UBE2E2: variants seen among roughly 807,000 people sequenced by gnomAD.
The protein encoded by UBE2E2 is ubiquitin conjugating enzyme E2 E2, also known as ubiquitin-conjugating enzyme E2 E2.
A neutral mutation model predicts 24.7 loss-of-function variants in UBE2E2; 6 were observed. The ratio of observed to expected loss-of-function variants is 0.24; its 90% confidence interval spans 0.13 to 0.48. The LOEUF is 0.48. UBE2E2 is among the 20% of genes least tolerant of loss of function. The pLI, the probability that UBE2E2 is intolerant of heterozygous loss-of-function variation, is 0.99. For missense variants in UBE2E2, 169 were observed against 245.0 expected (o/e 0.69, Z 2.07); for synonymous variants, 104 against 83.6 (o/e 1.24, Z -1.33).
At position 23,577,197 on chromosome 3, in the gene UBE2E2, G is replaced by A. The variant is rs1056862418; in HGVS notation, c.509-12537G>A. On this transcript the variant is annotated intron_variant, in intron 5 of 5. Transcript: ENST00000396703. Reference sequence around the variant, plus strand: ...AAAGATGGAGATAATTAAGCTTATTGAGGAAAGCATGTCAAAAGCCAAAAC... The same window carrying A: ...AAAGATGGAGATAATTAAGCTTATTAAGGAAAGCATGTCAAAAGCCAAAAC... Among the ~76,000 whole-genome samples the A allele has an allele frequency of 2.0e-5, 3 of 152,042 alleles. No individual in the cohort carries two copies. In the East Asian group the frequency reaches 5.8e-4, roughly 29 times the overall value.
chr3:23,305,314 A>G (rs1699212522), intron 3 of UBE2E2, among the ~76,000 whole-genome samples: 1 of 152,242 alleles, frequency 6.6e-6, no homozygotes, highest in Non-Finnish European at 1.5e-5. Flanking sequence ...CGAGACAGCC[A>G]TCGTATTTAG....
intron 3 of UBE2E2, among the ~76,000 whole-genome samples, chr3:23,471,941 T>TTA (rs1553614030): frequency 2.0e-4 from 29 of 141,972 alleles, no homozygotes; most frequent in African/African-American, 6.7e-4. Flanking sequence ...AAAACATCTT[T>TTA]AAAAAAAAAA....
intron 3 of UBE2E2, among the ~76,000 whole-genome samples, chr3:23,303,125 G>C (rs951422037): frequency 1.6e-4 from 25 of 152,076 alleles, no homozygotes; most frequent in African/African-American, 6.0e-4. Flanking sequence ...ATTGTGAACT[G>C]TGCATGTGAG....
At chr3:23,322,299 C>A (rs896856700) in intron 3 of UBE2E2, among the ~76,000 whole-genome samples, 1 of 152,074 alleles carries the variant, frequency 6.6e-6, no homozygotes, top group African/African-American at 2.4e-5. Flanking sequence ...TTGAAAGGGT[C>A]GGTAGGATAC....
intron 3 of UBE2E2, among the ~76,000 whole-genome samples, chr3:23,265,958 A>G (rs952570072): frequency 3.3e-5 from 5 of 152,200 alleles, no homozygotes; most frequent in African/African-American, 1.2e-4. Flanking sequence ...ATCAGAGACT[A>G]GGATTGCAAC....
intron 3 of UBE2E2, among the ~76,000 whole-genome samples, chr3:23,343,124 A>G (rs999358886): frequency 4.6e-5 from 7 of 152,138 alleles, no homozygotes; most frequent in Admixed American, 6.5e-5. Context: ...GAATGCATAC[A>G]TATACAAACT....
At chr3:23,323,544 A>T (rs1694803339) in intron 3 of UBE2E2, 1 of 452,852 alleles carries the variant, frequency 2.2e-6, no homozygotes, top group Non-Finnish European at 4.4e-6. Context: ...GGAAATGCTC[A>T]TTCAATTCTC....
intron 3 of UBE2E2, among the ~76,000 whole-genome samples, chr3:23,377,779 A>G (rs1444413695): frequency 6.6e-6 from 1 of 152,236 alleles, no homozygotes; most frequent in Non-Finnish European, 1.5e-5. Flanking sequence ...AATAATAGGT[A>G]AAGTGCTTAG....
chr3:23,261,788 C>G lies in UBE2E2; in HGVS notation c.227+44476C>G, dbSNP rs114782072. ...GAATCATCCAATGTGTAGCAAATGGCAGGATTTCCTTCCTTTTTTAAATGG... is the reference window on the plus strand; with the variant it reads ...GAATCATCCAATGTGTAGCAAATGGGAGGATTTCCTTCCTTTTTTAAATGG... On this transcript the variant is annotated intron_variant, in intron 3 of 5. Coordinates refer to ENST00000396703, the MANE Select transcript of UBE2E2 (RefSeq NM_152653.4). Among the ~76,000 whole-genome samples the G allele has an allele frequency of 1.7e-3, 257 of 152,284 alleles. 1 individual carries two copies. Among genetic ancestry groups the G allele is most frequent in the African/African-American group, 6.0e-3 (248 of 41,554 alleles).
chr3:23,283,605 T>C (rs972608184), intron 3 of UBE2E2, among the ~76,000 whole-genome samples: 14 of 152,128 alleles, frequency 9.2e-5, no homozygotes, highest in African/African-American at 3.1e-4. Context: ...CACACACTTA[T>C]AGTCTCAGCA....
At chr3:23,404,166 T>G (rs1253332346) in intron 3 of UBE2E2, among the ~76,000 whole-genome samples, 2 of 152,162 alleles carry the variant, frequency 1.3e-5, no homozygotes, top group Non-Finnish European at 2.9e-5. Context: ...ATGTACACAT[T>G]CATAGTAATA....
At chr3:23,272,197 G>A (rs907891621) in intron 3 of UBE2E2, among the ~76,000 whole-genome samples, 5 of 152,186 alleles carry the variant, frequency 3.3e-5, no homozygotes, top group Non-Finnish European at 7.4e-5. Flanking sequence ...CCTGGCGAGA[G>A]TTCGAGTGTG....
intron 3 of UBE2E2, among the ~76,000 whole-genome samples, chr3:23,343,986 C>T (rs1383776701): frequency 1.3e-5 from 2 of 152,132 alleles, no homozygotes; most frequent in African/African-American, 2.4e-5. Flanking sequence ...TCATTTGTTA[C>T]TTTTATCATT....
intron 3 of UBE2E2, among the ~76,000 whole-genome samples, chr3:23,332,331 A>G (rs1231494123): frequency 6.6e-6 from 1 of 151,882 alleles, no homozygotes; most frequent in South Asian, 2.1e-4. Flanking sequence ...TTTAGTAGAG[A>G]TGGGGCTTCA....
chr3:23,482,330 C>G (rs762164856), intron 3 of UBE2E2, among the ~76,000 whole-genome samples: 5 of 151,876 alleles, frequency 3.3e-5, no homozygotes, highest in Non-Finnish European at 5.9e-5. Flanking sequence ...ATGAATATAC[C>G]AAAAGCCAAA....
chr3:23,459,674 C>G (rs1698764593), intron 3 of UBE2E2, among the ~76,000 whole-genome samples: 1 of 152,106 alleles, frequency 6.6e-6, no homozygotes, highest in Admixed American at 6.5e-5. Context: ...AGCATGTGAA[C>G]AAATTATTCA....
intron 3 of UBE2E2, among the ~76,000 whole-genome samples, chr3:23,448,976 A>G (rs368622343): frequency 2.0e-4 from 31 of 152,278 alleles, no homozygotes; most frequent in South Asian, 1.2e-3. Context: ...TGGTTTTTCA[A>G]TGGCTTTTAG....
At chr3:23,305,663 G>C (rs1408540313) in intron 3 of UBE2E2, among the ~76,000 whole-genome samples, 1 of 152,160 alleles carries the variant, frequency 6.6e-6, no homozygotes, top group African/African-American at 2.4e-5. Flanking sequence ...ATGGTTATAA[G>C]CCTTGCAGAG....
At chr3:23,449,916 C>G (rs1698525542) in intron 3 of UBE2E2, 1 of 985,416 alleles carries the variant, frequency 1.0e-6, no homozygotes, top group African/African-American at 1.7e-5. Flanking sequence ...CATGGGGACC[C>G]CTCCCCCTAG....
Sources: allele counts gnomAD v4.1 joint callset (sites outside exome capture counted in the v4.1 genomes callset), GRCh38; gene constraint gnomAD v4.1.1; transcripts MANE v1.5; gene names NCBI Gene and HGNC (gene_info 2026-07-23, HGNC 2026-07-21).